The following OSBPL1A variants were observed in gnomAD, a reference collection of about 807,000 sequenced individuals.
OSBPL1A encodes oxysterol binding protein like 1A, also known as oxysterol-binding protein-related protein 1.
A neutral mutation model predicts 137.1 loss-of-function variants in OSBPL1A; 80 were observed. The observed-to-expected ratio is 0.58, with a 90% CI of 0.49 to 0.70. The LOEUF is 0.70. OSBPL1A is among the 30% of genes least tolerant of loss of function. The pLI, the probability that OSBPL1A is intolerant of heterozygous loss-of-function variation, is 0.00. For synonymous variants in OSBPL1A, 365 were observed against 389.7 expected, an observed-to-expected ratio of 0.94 and a Z score of 0.75; for missense variants, 970 against 1,129.4, an observed-to-expected ratio of 0.86 and a Z score of 2.02.
At chr18:24,273,512 C>T (rs916088244) in intron 15 of OSBPL1A, among the ~76,000 whole-genome samples, 14 of 152,208 alleles carry the variant, frequency 9.2e-5, no homozygotes, top group Admixed American at 9.2e-4. Flanking sequence ...GATGTGGAAA[C>T]AGAATTCCTA....
At chr18:24,366,608 T>TTA (rs1555658277) in intron 4 of OSBPL1A, 10 of 247,394 alleles carry the variant, frequency 4.0e-5, no homozygotes, top group Middle Eastern at 4.1e-4. Flanking sequence ...ATTTTTTTTT[T>TTA]AAAAAAAAGA....
chr18:24,209,092 TCAAA>T (rs1453137289), intron 17 of OSBPL1A, among the ~76,000 whole-genome samples: 1 of 152,088 alleles, frequency 6.6e-6, no homozygotes, highest in Admixed American at 6.5e-5. Context: ...AAGACTCTGT[TCAAA>T]CAAAGAAGAA....
intron 13 of OSBPL1A, among the ~76,000 whole-genome samples, chr18:24,307,656 A>G (rs1413147871): frequency 6.6e-6 from 1 of 152,228 alleles, no homozygotes; most frequent in Non-Finnish European, 1.5e-5. Flanking sequence ...ACTTAACTGT[A>G]TATCTTAAAT....
intron 9 of OSBPL1A, among the ~76,000 whole-genome samples, 157 bp from the exon 10 acceptor site, chr18:24,317,557 G>A (rs2090759886): frequency 6.6e-6 from 1 of 152,028 alleles, no homozygotes; most frequent in African/African-American, 2.4e-5. Flanking sequence ...TAGGTACTAA[G>A]TGCAGTAATG....
chr18:24,368,817 C>CA (rs1905379884), intron 2 of OSBPL1A, among the ~76,000 whole-genome samples: 1 of 152,134 alleles, frequency 6.6e-6, no homozygotes, highest in African/African-American at 2.4e-5. Context: ...TGTACCACAT[C>CA]AAGAGTCAGT....
intron 1 of OSBPL1A, among the ~76,000 whole-genome samples, chr18:24,396,559 G>A (rs1360359138): frequency 1.3e-5 from 2 of 152,102 alleles, no homozygotes; most frequent in Non-Finnish European, 2.9e-5. Context: ...GTTACTGACA[G>A]TTTTCTCCTC....
chr18:24,322,645 G>T (rs2090887755), intron 7 of OSBPL1A, among the ~76,000 whole-genome samples: 1 of 152,082 alleles, frequency 6.6e-6, no homozygotes, highest in Non-Finnish European at 1.5e-5. Context: ...GCACTTTGGA[G>T]AAATTATTTC....
intron 6 of OSBPL1A, among the ~76,000 whole-genome samples, chr18:24,333,304 A>C (rs2091117457): frequency 6.6e-6 from 1 of 152,128 alleles, no homozygotes; most frequent in Non-Finnish European, 1.5e-5. Flanking sequence ...TCCGGGTCTC[A>C]CACTCCTCTG....
At chr18:24,189,567 C>T (rs2086833781) in intron 18 of OSBPL1A, among the ~76,000 whole-genome samples, 1 of 152,208 alleles carries the variant, frequency 6.6e-6, no homozygotes, top group African/African-American at 2.4e-5. Context: ...CCTCCCACAG[C>T]TACCGATAAT....
At chr18:24,183,909 A>G (rs984139308) in intron 18 of OSBPL1A, among the ~76,000 whole-genome samples, 4 of 152,204 alleles carry the variant, frequency 2.6e-5, no homozygotes, top group Non-Finnish European at 5.9e-5. Flanking sequence ...ACTGAACCAG[A>G]TTGAGTTCCA....
intron 14 of OSBPL1A, among the ~76,000 whole-genome samples, chr18:24,289,418 G>GTTTTTTTTT (rs536281272): frequency 3.5e-4 from 33 of 94,192 alleles, no homozygotes; most frequent in Non-Finnish European, 4.9e-4. Context: ...GTTTTTTCCT[G>GTTTTTTTTT]TTTTTTTTTT....
chr18:24,313,558 G>A (rs1442565168), intron 12 of OSBPL1A, among the ~76,000 whole-genome samples: 2 of 152,116 alleles, frequency 1.3e-5, no homozygotes, highest in African/African-American at 4.8e-5. Flanking sequence ...TGTAATGAGT[G>A]TCAGAACGCC....
At chr18:24,338,800 A>G (rs377389998) in intron 5 of OSBPL1A, among the ~76,000 whole-genome samples, 6 of 151,302 alleles carry the variant, frequency 4.0e-5, no homozygotes, top group African/African-American at 1.5e-4. Context: ...TGCAACCTCC[A>G]CCTCCTGGGT....
chr18:24,385,055 C>G (rs982783440), intron 1 of OSBPL1A, among the ~76,000 whole-genome samples: 10 of 151,010 alleles, frequency 6.6e-5, no homozygotes, highest in African/African-American at 1.2e-4. Flanking sequence ...CCCGGGTTCA[C>G]GCCATTCTCC....
chr18:24,341,540 T>A lies in OSBPL1A; in HGVS notation c.394+7A>T. 6.3e-7 allele frequency: 1 copy of A among 1,598,456 alleles called. No homozygotes were observed. ...ATGCTGTTTATGTTCACATCCATGA[T>A]ATTTACCTTCAAGCATGCTTCTGAT... On this transcript the variant is annotated splice_region_variant and intron_variant, in intron 5 of 27. Coordinates refer to ENST00000319481, the MANE Select transcript of OSBPL1A (RefSeq NM_080597.4).
intron 7 of OSBPL1A, among the ~76,000 whole-genome samples, chr18:24,330,392 T>G (rs2091054968): frequency 6.6e-6 from 1 of 152,196 alleles, no homozygotes; most frequent in African/African-American, 2.4e-5. Flanking sequence ...AATGGTATTG[T>G]TATTAACTAC....
At chr18:24,335,843 T>C (rs2091166350) in intron 5 of OSBPL1A, among the ~76,000 whole-genome samples, 1 of 152,228 alleles carries the variant, frequency 6.6e-6, no homozygotes, top group South Asian at 2.1e-4. Flanking sequence ...ACTGCTGAAA[T>C]TAGTTTACCT....
rs61624304 is a variant in OSBPL1A, at chr18:24,164,945, C to T, written c.2750+120G>A. ...ACTTTTTTTCAGGCCTGGGACAACT[C>T]GGCAGGGTTTGTGTTAGATAGGCCC... On this transcript the variant is annotated intron_variant, in intron 27 of 27. Transcript: ENST00000319481. The T allele has an allele frequency of 6.4e-3, 6,103 of 957,870 alleles. 228 individuals are homozygous for T. In the African/African-American group the frequency reaches 0.081, roughly 13 times the overall value. 59.3% of individuals were successfully genotyped at this position (957,870 alleles called of 1,614,324 possible).
intron 16 of OSBPL1A, among the ~76,000 whole-genome samples, chr18:24,228,361 C>T (rs1236957215): frequency 1.3e-5 from 2 of 151,706 alleles, no homozygotes; most frequent in African/African-American, 4.8e-5. Context: ...TATAGTCAGG[C>T]TATCCCCACC....
Sources: allele counts gnomAD v4.1 joint callset (sites outside exome capture counted in the v4.1 genomes callset), GRCh38; gene constraint gnomAD v4.1.1; transcripts MANE v1.5; gene names NCBI Gene and HGNC (gene_info 2026-07-23, HGNC 2026-07-21).